The following GAP43 variants were observed in gnomAD, a reference collection of about 807,000 sequenced individuals.
GAP43 encodes neuromodulin.
Under a neutral mutation model 18.6 loss-of-function variants are expected in GAP43, and 6 were observed. The observed-to-expected ratio is 0.32, with a 90% CI of 0.18 to 0.64. The LOEUF is 0.64. Among genes scored for constraint, GAP43 ranks in the 30% least tolerant of loss-of-function variants. The probability of loss-of-function intolerance (pLI) is 0.78; values close to 1 mark genes in which losing one functional copy is unlikely to be tolerated. For missense variants in GAP43, 292 were observed against 295.5 expected, an observed-to-expected ratio of 0.99 and a Z score of 0.09; for synonymous variants, 115 against 111.4, an observed-to-expected ratio of 1.03 and a Z score of -0.20.
intron 1 of GAP43, chr3:115,658,610 C>A (rs1708616991): frequency 6.6e-6 from 1 of 152,166 alleles, no homozygotes; most frequent in South Asian, 2.1e-4. Flanking sequence ...GGCGCGGCCT[C>A]CGCCCGCTGC....
intron 2 of GAP43, among the ~76,000 whole-genome samples, chr3:115,709,555 CT>C (rs1469926886): frequency 4.6e-5 from 7 of 152,052 alleles, no homozygotes; most frequent in Admixed American, 3.3e-4. Context: ...CATTGACTTC[CT>C]AGAATTAAAG....
At chr3:115,717,379 T>A (rs1709521815) in intron 2 of GAP43, among the ~76,000 whole-genome samples, 1 of 151,846 alleles carries the variant, frequency 6.6e-6, no homozygotes, top group Non-Finnish European at 1.5e-5. Flanking sequence ...GCAGGATCTC[T>A]GCTCACTGTA....
At chr3:115,699,998 A>G (rs1046162465) in intron 2 of GAP43, among the ~76,000 whole-genome samples, 2 of 152,210 alleles carry the variant, frequency 1.3e-5, no homozygotes, top group African/African-American at 4.8e-5. Flanking sequence ...ACAGGCAAGT[A>G]TAAGAAAGGG....
chr3:115,671,043 T>C (rs1708809855), intron 1 of GAP43, among the ~76,000 whole-genome samples: 1 of 152,218 alleles, frequency 6.6e-6, no homozygotes, highest in Admixed American at 6.5e-5. Flanking sequence ...GGCCAAGTTT[T>C]AATTTGCTTG....
In GAP43 at chr3:115,676,191, A is replaced by T. The variant is rs1032845517; in HGVS notation, c.209A>T (p.Asp70Val). The change falls in exon 2 of 3, where the codon GAT (aspartate) becomes GTT (valine). Residue 70 changes from aspartate (D) to valine (V), a missense_variant. Physicochemically the swap from Asp to Val is radical, Grantham distance 152. Coordinates refer to ENST00000305124, the MANE Select transcript of GAP43 (RefSeq NM_002045.4). ...GCTGAGGCTGAAGCTAATAAGAAGG[A>T]TGAAGCCCCTGTTGCCGATGGGGTG... ...QAAEAEANKKDEAPVADGVEK... is the reference protein window; with the variant it reads ...QAAEAEANKKVEAPVADGVEK... The T allele has an allele frequency of 1.9e-6, 3 of 1,614,194 alleles. No homozygotes were observed. Among genetic ancestry groups the T allele is most frequent in the Non-Finnish European group, 2.5e-6 (3 of 1,180,032 alleles).
rs182151296 is a variant in GAP43 at position 115,704,079 on chromosome 3, C to A, written c.629-16715C>A. On this transcript the variant is annotated intron_variant, in intron 2 of 2. Transcript: ENST00000305124. ...ACACAATGACTGCAAAATGAGTTGT[C>A]CCAGTAAGAGATGGAGATTGCATTT... Among the ~76,000 whole-genome samples, 150 of 152,088 alleles carry A rather than the reference C, an allele frequency of 9.9e-4. 1 individual carries two copies. The highest frequency in any genetic ancestry group is 3.4e-3 in the African/African-American group (143 of 41,518).
intron 2 of GAP43, among the ~76,000 whole-genome samples, chr3:115,698,299 A>T (rs1417220832): frequency 1.3e-5 from 1 of 76,280 alleles, no homozygotes; most frequent in South Asian, 3.4e-4. Flanking sequence ...TATATATATT[A>T]TATATAAAAT....
chr3:115,623,820 G>A (rs905567247), intron 1 of GAP43, 101 bp downstream of exon 1: 3 of 1,220,140 alleles, frequency 2.5e-6, no homozygotes, highest in Admixed American at 3.4e-5. Context: ...TGCTCTGGCC[G>A]TGGTGCTCGC....
At chr3:115,696,590 C>CCCCCCCCA (rs1228543478) in intron 2 of GAP43, among the ~76,000 whole-genome samples, 1 of 129,050 alleles carries the variant, frequency 7.7e-6, no homozygotes, top group African/African-American at 3.0e-5. Flanking sequence ...CCCCCCCCCC[C>CCCCCCCCA]ACAAACAGGT....
At chr3:115,697,694 G>C (rs1346290506) in intron 2 of GAP43, among the ~76,000 whole-genome samples, 1 of 152,072 alleles carries the variant, frequency 6.6e-6, no homozygotes, top group Non-Finnish European at 1.5e-5. Flanking sequence ...TGCCCAGACT[G>C]GAAATAGATG....
intron 2 of GAP43, among the ~76,000 whole-genome samples, chr3:115,719,363 G>C (rs1246572504): frequency 6.6e-6 from 1 of 152,172 alleles, no homozygotes; most frequent in East Asian, 1.9e-4. Flanking sequence ...TGGGATCTTG[G>C]ATTTTGAGAA....
chr3:115,704,880 G>T (rs1709341576), intron 2 of GAP43, among the ~76,000 whole-genome samples: 1 of 152,066 alleles, frequency 6.6e-6, no homozygotes. Flanking sequence ...CATCTCTAAG[G>T]TCTCCTTCAG....
At chr3:115,674,461 C>A (rs1708855311) in intron 1 of GAP43, among the ~76,000 whole-genome samples, 1 of 152,148 alleles carries the variant, frequency 6.6e-6, no homozygotes, top group Non-Finnish European at 1.5e-5. Context: ...GGAAAATAGT[C>A]ATTTGCAGCA....
In GAP43 at chr3:115,676,024, T is replaced by C; in HGVS notation, c.42T>C (p.Asn14=). ...CMRRTKQVEK[N]DDDQKIEQDG... Reference sequence around the variant, plus strand: ...TTTTCTCGACAAAGGTTGAAAAAAATGATGACGACCAAAAGATTGAACAAG... The same window carrying C: ...TTTTCTCGACAAAGGTTGAAAAAAACGATGACGACCAAAAGATTGAACAAG... Residue 14 remains asparagine, a synonymous_variant, in exon 2 of 3, where the codon AAT becomes AAC. Coordinates refer to ENST00000305124, the MANE Select transcript of GAP43 (RefSeq NM_002045.4). 6.3e-7 allele frequency: 1 copy of C among 1,595,298 alleles called. No homozygotes were observed. Among genetic ancestry groups the C allele is most frequent in the Non-Finnish European group, 8.5e-7 (1 of 1,172,418 alleles).
chr3:115,664,052 A>G (rs1708700782), intron 1 of GAP43: 1 of 797,386 alleles, frequency 1.3e-6, no homozygotes, highest in East Asian at 2.7e-5. Context: ...TTTCATCTGT[A>G]AGATAATAGT....
chr3:115,661,921 T>C (rs1278035142), intron 1 of GAP43, among the ~76,000 whole-genome samples: 2 of 145,718 alleles, frequency 1.4e-5, no homozygotes, highest in Non-Finnish European at 3.0e-5. Context: ...ATTTCATGAA[T>C]TTCTCAAATG....
At chr3:115,662,613 A>G (rs1708677468) in intron 1 of GAP43, among the ~76,000 whole-genome samples, 1 of 152,216 alleles carries the variant, frequency 6.6e-6, no homozygotes, top group Non-Finnish European at 1.5e-5. Flanking sequence ...TCTGAGAAGT[A>G]AATCAGAATC....
intron 1 of GAP43, among the ~76,000 whole-genome samples, chr3:115,645,604 C>T (rs1559790944): frequency 9.9e-6 from 1 of 100,616 alleles, no homozygotes; most frequent in Non-Finnish European, 2.5e-5. Context: ...ATACTAGTAT[C>T]TTGGTGGAAA....
chr3:115,696,228 T>C (rs888243980), intron 2 of GAP43, among the ~76,000 whole-genome samples: 17 of 152,218 alleles, frequency 1.1e-4, no homozygotes, highest in Non-Finnish European at 2.2e-4. Context: ...TGTCTTTTTT[T>C]TCTGAACTTA....
Sources: allele counts gnomAD v4.1 joint callset (sites outside exome capture counted in the v4.1 genomes callset), GRCh38; gene constraint gnomAD v4.1.1; transcripts MANE v1.5; gene names NCBI Gene and HGNC (gene_info 2026-07-23, HGNC 2026-07-21).